The following GPHN variants were observed in gnomAD, a reference collection of about 807,000 sequenced individuals.
GPHN encodes the protein gephyrin.
A neutral mutation model predicts 95.5 loss-of-function variants in GPHN; 17 were observed. That is an observed-to-expected ratio of 0.18 (90% CI 0.12 to 0.27). GPHN has a LOEUF of 0.27. Among genes scored for constraint, GPHN ranks in the 10% least tolerant of loss-of-function variants. The pLI is 1.00. For missense variants in GPHN, 660 were observed against 978.1 expected (o/e 0.67, Z 4.34); for synonymous variants, 320 against 322.5 (o/e 0.99, Z 0.08).
At chr14:66,649,253 G>A (rs1476464961) in intron 1 of GPHN, among the ~76,000 whole-genome samples, 3 of 152,070 alleles carry the variant, frequency 2.0e-5, no homozygotes, top group Non-Finnish European at 4.4e-5. Flanking sequence ...AGAATCGCTT[G>A]AACCTGGGAG....
the GPHN span, among the ~76,000 whole-genome samples, chr14:67,603,893 C>G: frequency 6.6e-6 from 1 of 152,000 alleles, no homozygotes. Flanking sequence ...GTTGGTCAGG[C>G]TGGTCTCAAA....
Position 66,616,714 on chromosome 14 carries a change from C to T in GPHN, c.65-64393C>T, listed in dbSNP as rs564047051. ...GTTAGGGGCATGGGGAACAGGACCC[C>T]TTTTTTTTTTAGACGGAGTCTCGCT... On this transcript the variant is annotated intron_variant, in intron 1 of 22. Coordinates refer to ENST00000478722, the MANE Select transcript of GPHN (RefSeq NM_020806.5). Among the ~76,000 whole-genome samples, 449 of 147,922 alleles carry T rather than the reference C, an allele frequency of 3.0e-3. 7 individuals carry two copies. The highest frequency in any genetic ancestry group is 0.011 in the African/African-American group (425 of 40,384).
intron 2 of GPHN, among the ~76,000 whole-genome samples, chr14:66,694,500 A>T (rs1465110528): frequency 6.6e-6 from 1 of 152,204 alleles, no homozygotes; most frequent in Non-Finnish European, 1.5e-5. Flanking sequence ...GTGCTGGAAC[A>T]CCTGGACATC....
chr14:67,561,835 A>G, the GPHN span: 1 of 728,846 alleles, frequency 1.4e-6, no homozygotes, highest in South Asian at 1.8e-5. Flanking sequence ...GCTCCACTGC[A>G]ATTCAGTCTG....
chr14:66,728,838 G>A (rs993661954), intron 2 of GPHN, among the ~76,000 whole-genome samples: 3 of 152,184 alleles, frequency 2.0e-5, no homozygotes, highest in African/African-American at 7.2e-5. Context: ...GGGAAGGCAT[G>A]ATTAGTTTTG....
chr14:67,662,473 T>A, the GPHN span: 3 of 1,612,444 alleles, frequency 1.9e-6, no homozygotes, highest in Non-Finnish European at 1.7e-6. Context: ...TTCCTTGTTC[T>A]CACCGTTTCA....
the GPHN span, among the ~76,000 whole-genome samples, chr14:67,561,777 G>A: frequency 0.17 from 25,541 of 151,588 alleles, 2,719 homozygotes; most frequent in East Asian, 0.27. Context: ...GGCTGAGGTG[G>A]GAGGATCAGT....
chr14:67,030,312 A>C, intron 10 of GPHN, among the ~76,000 whole-genome samples: 1 of 152,304 alleles, frequency 6.6e-6, no homozygotes, highest in South Asian at 2.1e-4. Flanking sequence ...CAAACCAGAA[A>C]TCTTTAGTGT....
At chr14:66,668,880 T>G (rs1407185596) in intron 1 of GPHN, among the ~76,000 whole-genome samples, 1 of 151,846 alleles carries the variant, frequency 6.6e-6, no homozygotes, top group Non-Finnish European at 1.5e-5. Context: ...CCTGCTGTTT[T>G]TTTTTTTTTT....
At chr14:67,444,857 T>C in the GPHN span, among the ~76,000 whole-genome samples, 1 of 152,124 alleles carries the variant, frequency 6.6e-6, no homozygotes. Flanking sequence ...CCTCCTGGGT[T>C]CAAGTGATTC....
intron 10 of GPHN, among the ~76,000 whole-genome samples, chr14:67,052,878 A>G (rs899452886): frequency 6.6e-6 from 1 of 152,186 alleles, no homozygotes; most frequent in African/African-American, 2.4e-5. Context: ...GGCAGAAATC[A>G]AGAAGTTCTT....
intron 8 of GPHN, among the ~76,000 whole-genome samples, chr14:66,956,329 T>C (rs111259577): frequency 0.015 from 2,302 of 152,360 alleles, 33 homozygotes; most frequent in Non-Finnish European, 0.018. Context: ...TTTATGATTT[T>C]CTCTTTCACC....
chr14:66,588,154 G>T (rs2061497927), intron 1 of GPHN, among the ~76,000 whole-genome samples: 2 of 152,100 alleles, frequency 1.3e-5, no homozygotes, highest in African/African-American at 4.8e-5. Context: ...GGGCCTGACT[G>T]TTAGAAGGAA....
At chr14:67,007,446 T>C (rs1295628357) in intron 9 of GPHN, among the ~76,000 whole-genome samples, 2 of 152,224 alleles carry the variant, frequency 1.3e-5, no homozygotes, top group East Asian at 3.8e-4. Flanking sequence ...ATGACCTCCT[T>C]TAGTTCATTT....
chr14:67,332,980 G>A, the GPHN span: 1 of 1,587,322 alleles, frequency 6.3e-7, no homozygotes, highest in Non-Finnish European at 8.6e-7. Flanking sequence ...TCTGTGGCAT[G>A]TTGGACTTGA....
At chr14:67,517,872 G>A in the GPHN span, among the ~76,000 whole-genome samples, 1 of 152,162 alleles carries the variant, frequency 6.6e-6, no homozygotes, top group African/African-American at 2.4e-5. Context: ...CAGGTCTTCT[G>A]GTACCCCTTG....
At chr14:66,516,754 C>G (rs1396906160) in intron 1 of GPHN, among the ~76,000 whole-genome samples, 2 of 152,040 alleles carry the variant, frequency 1.3e-5, no homozygotes. Context: ...ATTTCTTGTT[C>G]TTTTAAAAAA....
chr14:67,200,480 G>A, the GPHN span: 4 of 383,982 alleles, frequency 1.0e-5, no homozygotes, highest in East Asian at 2.0e-4. Context: ...TTCCACAGGA[G>A]GTATTTCTTT....
At chr14:66,601,437 A>G (rs1256524754) in intron 1 of GPHN, among the ~76,000 whole-genome samples, 2 of 151,970 alleles carry the variant, frequency 1.3e-5, no homozygotes, top group African/African-American at 4.8e-5. Context: ...TACATCAAAT[A>G]CGTTCAATGA....
Sources: allele counts gnomAD v4.1 joint callset (sites outside exome capture counted in the v4.1 genomes callset), GRCh38; gene constraint gnomAD v4.1.1; transcripts MANE v1.5; gene names NCBI Gene and HGNC (gene_info 2026-07-23, HGNC 2026-07-21).